The following COIL variants were observed in gnomAD, a reference collection of about 807,000 sequenced individuals.
COIL encodes the protein coilin.
In COIL, 28 loss-of-function variants were observed where a neutral mutation model predicts 51.6. That is an observed-to-expected ratio of 0.54 (90% CI 0.40 to 0.74). The LOEUF (loss-of-function observed/expected upper bound fraction) is 0.74, where lower values mean the gene tolerates loss of function less well. Among genes scored for constraint, COIL ranks in the 30% least tolerant of loss-of-function variants. COIL has a pLI of 0.00. For synonymous variants in COIL, 233 were observed against 255.8 expected (o/e 0.91, Z 0.85); for missense variants, 667 against 685.9 (o/e 0.97, Z 0.31).
Position 56,948,619 on chromosome 17 carries a change from C to T in COIL, c.1488+768G>A, listed in dbSNP as rs1166462452. Reference sequence around the variant, plus strand: ...AAAGAATGCACTTTAACAAGATTTTCAACAAAATGTTGGTGGGTGAAAAAG... The same window carrying T: ...AAAGAATGCACTTTAACAAGATTTTTAACAAAATGTTGGTGGGTGAAAAAG... On this transcript the variant is annotated intron_variant, in intron 4 of 6. Coordinates refer to ENST00000240316, the MANE Select transcript of COIL (RefSeq NM_004645.3). 1.8e-4 allele frequency among the ~76,000 whole-genome samples: 28 copies of T among 151,412 alleles called. No homozygotes were observed. In the Admixed American group the frequency reaches 1.9e-3, roughly 10 times the overall value.
At chr17:56,958,798 GA>G (rs928468243) in intron 1 of COIL, among the ~76,000 whole-genome samples, 209 of 151,858 alleles carry the variant, frequency 1.4e-3, no homozygotes, top group East Asian at 9.6e-4. Flanking sequence ...TAAAAAGGGG[GA>G]AAAAAAACTC....
chr17:56,939,693 T>C (rs1336092570), intron 6 of COIL, among the ~76,000 whole-genome samples: 1 of 152,032 alleles, frequency 6.6e-6, no homozygotes, highest in Non-Finnish European at 1.5e-5. Context: ...TGAGCGGAGA[T>C]CGCGCCACTG....
chr17:56,958,327 G>C lies in COIL; in HGVS notation c.245+2448C>G, dbSNP rs190085629. On this transcript the variant is annotated intron_variant, in intron 1 of 6. Coordinates refer to ENST00000240316, the MANE Select transcript of COIL (RefSeq NM_004645.3). ...CCAGTCCAACAATATTGGGTACTTT[G>C]AGAATAGAGACTATGTGTTCTTCCG... Among the ~76,000 whole-genome samples the C allele has an allele frequency of 3.3e-5, 5 of 152,334 alleles. No homozygotes were observed. In the East Asian group the frequency reaches 7.7e-4, roughly 24 times the overall value.
intron 6 of COIL, chr17:56,939,843 C>G (rs1910112519): frequency 6.6e-6 from 1 of 152,026 alleles, no homozygotes; most frequent in Non-Finnish European, 1.5e-5. Context: ...GCAGGAGATG[C>G]AGGGGTTGCG....
At chr17:56,954,240 T>C (rs1215508457) in intron 1 of COIL, among the ~76,000 whole-genome samples, 1 of 152,010 alleles carries the variant, frequency 6.6e-6, no homozygotes, top group Non-Finnish European at 1.5e-5. Context: ...CCAAAACAGC[T>C]CTTAGCATCG....
intron 4 of COIL, among the ~76,000 whole-genome samples, chr17:56,948,520 T>C (rs962760995): frequency 6.6e-6 from 1 of 152,084 alleles, no homozygotes; most frequent in Non-Finnish European, 1.5e-5. Context: ...ATTTTATCTA[T>C]GTTACTATAT....
intron 1 of COIL, 45 bp downstream of exon 1, chr17:56,960,730 C>A: frequency 6.9e-7 from 1 of 1,455,094 alleles, no homozygotes; most frequent in South Asian, 1.4e-5. Flanking sequence ...AGGCGCGTCC[C>A]CCGCCCGCCG....
Position 56,938,292 on chromosome 17 carries a change from G to C in COIL, c.*779C>G, listed in dbSNP as rs989247762. ...AAACCAATTTTCACGGTATATATTT[G>C]GCCATTTTAGCTTCGTAGTGAATAA... On this transcript the variant is annotated 3_prime_UTR_variant, in exon 7 of 7. Transcript: ENST00000240316. 1.8e-4 allele frequency: 27 copies of C among 152,080 alleles called. No individual in the cohort carries two copies. Among genetic ancestry groups the C allele is most frequent in the African/African-American group, 5.6e-4 (23 of 41,408 alleles). The allele number at this position is 152,080 out of a possible 1,614,324, so 9.4% of individuals were successfully genotyped here. A position where few individuals can be genotyped will look rare whatever the true frequency, so the allele number is the denominator to read the frequency against.
intron 5 of COIL, among the ~76,000 whole-genome samples, chr17:56,944,360 A>C (rs1283279442): frequency 4.6e-5 from 7 of 152,128 alleles, no homozygotes; most frequent in Admixed American, 2.6e-4. Context: ...TGGGAGGCTG[A>C]GGTGGGAGGA....
chr17:56,939,383 C>T (rs1910103693), intron 6 of COIL, among the ~76,000 whole-genome samples: 1 of 151,920 alleles, frequency 6.6e-6, no homozygotes. Flanking sequence ...TGCTTGAGCC[C>T]AGGAGTTCAA....
chr17:56,946,466 T>C lies in COIL; in HGVS notation c.1534A>G (p.Ile512Val), dbSNP rs772183772. Reference sequence around the variant, plus strand: ...CCAGGTAAGGATGAAAGAATTTCTATATCTACTTGCTGGGTCTCTGGATTG... The same window carrying C: ...CCAGGTAAGGATGAAAGAATTTCTACATCTACTTGCTGGGTCTCTGGATTG... ...SHNPETQQVD[I>V]EILSSLPALR... The change falls in exon 5 of 7, where the codon ATA (isoleucine) becomes GTA (valine). Residue 512 changes from isoleucine to valine, a missense_variant. Coordinates refer to ENST00000240316, the MANE Select transcript of COIL (RefSeq NM_004645.3). 7.4e-6 allele frequency: 12 copies of C among 1,610,782 alleles called. No individual in the cohort carries two copies. Among genetic ancestry groups the C allele is most frequent in the Non-Finnish European group, 9.3e-6 (11 of 1,177,514 alleles).
Position 56,950,220 on chromosome 17 carries a change from A to C in COIL, c.1022T>G (p.Leu341Ter). ...TCCTGCAAAAAGGCCTACTGTCTTT[A>C]AGAAACCCGCAGCACACTCCGGGGT... ...SSTPECAAGF[L>*]KTVGLFAGRG... is the part of the protein sequence containing the mutation. Residue 341 changes from leucine to a stop codon, truncating the protein, a stop_gained, in exon 2 of 7, where the codon TTA becomes TGA. Transcript: ENST00000240316. LOFTEE classifies it high-confidence loss of function. 1 of 1,614,176 alleles carries C rather than the reference A, an allele frequency of 6.2e-7. No homozygotes were observed. The highest frequency in any genetic ancestry group is 8.5e-7 in the Non-Finnish European group (1 of 1,180,028).
At chr17:56,939,714 T>C (rs1910110249) in intron 6 of COIL, among the ~76,000 whole-genome samples, 1 of 152,274 alleles carries the variant, frequency 6.6e-6, no homozygotes, top group African/African-American at 2.4e-5. Flanking sequence ...CACTCCAGCC[T>C]GGGTGACAGA....
chr17:56,960,697 C>G, intron 1 of COIL, 78 bp downstream of exon 1: 1 of 1,013,930 alleles, frequency 9.9e-7, no homozygotes, highest in East Asian at 3.8e-5. Context: ...CCAGGTCTAG[C>G]GGCTTCAGGC....
At chr17:56,955,619 G>C in intron 1 of COIL, among the ~76,000 whole-genome samples, 1 of 151,994 alleles carries the variant, frequency 6.6e-6, no homozygotes, top group Admixed American at 6.6e-5. Flanking sequence ...ATAAAAATGG[G>C]GATAATGACA....
intron 1 of COIL, among the ~76,000 whole-genome samples, chr17:56,959,857 C>G (rs541816988): frequency 6.6e-6 from 1 of 152,368 alleles, no homozygotes; most frequent in African/African-American, 2.4e-5. Context: ...TGCCCTTAGG[C>G]ATCAGGGATT....
At chr17:56,944,388 C>T (rs1335394550) in intron 5 of COIL, among the ~76,000 whole-genome samples, 2 of 151,860 alleles carry the variant, frequency 1.3e-5, no homozygotes, top group East Asian at 1.9e-4. Flanking sequence ...GTCAGGAGAT[C>T]GAGACCGTCC....
chr17:56,947,602 C>G (rs991592311), intron 4 of COIL, among the ~76,000 whole-genome samples: 2 of 152,118 alleles, frequency 1.3e-5, no homozygotes, highest in Non-Finnish European at 2.9e-5. Flanking sequence ...TCCTGAGTAG[C>G]TGGGGCTACA....
chr17:56,939,223 G>A (rs768815692), intron 6 of COIL, 69 bp from the exon 7 acceptor site: 15 of 856,644 alleles, frequency 1.8e-5, no homozygotes, highest in African/African-American at 5.1e-5. Context: ...ATTCAGCCAC[G>A]TAAATTTTCC....
Sources: allele counts gnomAD v4.1 joint callset (sites outside exome capture counted in the v4.1 genomes callset), GRCh38; gene constraint gnomAD v4.1.1; transcripts MANE v1.5; gene names NCBI Gene and HGNC (gene_info 2026-07-23, HGNC 2026-07-21).